Variants in CCDC148 observed in about 807,000 individuals in gnomAD.
The protein encoded by CCDC148 is coiled-coil domain containing 148.
CCDC148 carries 89 observed loss-of-function variants against 85.7 expected under a neutral mutation model. The observed-to-expected ratio is 1.04, with a 90% CI of 0.87 to 1.24. The LOEUF (loss-of-function observed/expected upper bound fraction) is 1.24, where lower values mean the gene tolerates loss of function less well. Among genes scored for constraint, CCDC148 ranks in the 50% most tolerant of loss-of-function variants. The pLI is 0.00. For synonymous variants in CCDC148, 230 were observed against 213.9 expected, an observed-to-expected ratio of 1.08 and a Z score of -0.66; for missense variants, 692 against 671.7, an observed-to-expected ratio of 1.03 and a Z score of -0.33.
intron 1 of CCDC148, among the ~76,000 whole-genome samples, chr2:158,378,942 C>T (rs1684763057): frequency 6.6e-6 from 1 of 152,132 alleles, no homozygotes; most frequent in Non-Finnish European, 1.5e-5. Flanking sequence ...TGCCTGCTAA[C>T]ATAACATTTA....
intron 2 of CCDC148, among the ~76,000 whole-genome samples, chr2:158,357,763 A>G (rs965265017): frequency 1.3e-5 from 2 of 152,234 alleles, no homozygotes; most frequent in Non-Finnish European, 2.9e-5. Context: ...AGATATTAAC[A>G]ATAAAAGGCA....
In CCDC148 at chr2:158,379,989, T is replaced by C. The variant is rs185584020; in HGVS notation, c.26-21419A>G. On this transcript the variant is annotated intron_variant, in intron 1 of 13. Transcript: ENST00000283233. ...TTGTGTTTGAGATGGGGTCTCACCA[T>C]GTTGCCCAGGCTGGTCTTGAACTCC... 7.2e-5 allele frequency among the ~76,000 whole-genome samples: 11 copies of C among 152,206 alleles called. No individual in the cohort carries two copies. In the East Asian group the frequency reaches 1.9e-3, roughly 27 times the overall value.
chr2:158,262,317 G>A (rs370499082), intron 9 of CCDC148, among the ~76,000 whole-genome samples: 16 of 151,884 alleles, frequency 1.1e-4, no homozygotes, highest in East Asian at 3.9e-4. Context: ...ATGAGAACTC[G>A]TGAACACAAA....
chr2:158,415,027 C>G (rs190959641), intron 1 of CCDC148, among the ~76,000 whole-genome samples: 1 of 151,868 alleles, frequency 6.6e-6, no homozygotes, highest in Non-Finnish European at 1.5e-5. Flanking sequence ...GTATTACTTA[C>G]CAAACTCAAG....
At chr2:158,200,213 A>G (rs1277705830) in intron 11 of CCDC148, among the ~76,000 whole-genome samples, 13 of 152,210 alleles carry the variant, frequency 8.5e-5, no homozygotes, top group Admixed American at 7.9e-4. Context: ...TTCAGTCTGA[A>G]CAGACCCATT....
At chr2:158,217,769 G>T (rs958437728) in intron 11 of CCDC148, among the ~76,000 whole-genome samples, 7 of 152,154 alleles carry the variant, frequency 4.6e-5, no homozygotes, top group Non-Finnish European at 1.5e-5. Context: ...AATGACGGAA[G>T]TTTTCAAACC....
At chr2:158,199,226 C>CT in intron 11 of CCDC148, among the ~76,000 whole-genome samples, 1 of 152,002 alleles carries the variant, frequency 6.6e-6, no homozygotes, top group Non-Finnish European at 1.5e-5. Flanking sequence ...TTTGATATTG[C>CT]TTTTTTAAAT....
Position 158,196,521 on chromosome 2 carries a change from C to G in CCDC148, c.1371-17525G>C, listed in dbSNP as rs537789224. 2.0e-5 allele frequency among the ~76,000 whole-genome samples: 3 copies of G among 152,212 alleles called. No individual in the cohort carries two copies. In the South Asian group the frequency reaches 6.2e-4, roughly 32 times the overall value. ...CCATTTAGTATTAAGATGGAAAGTGCAAAAGTACACCATGGTTATGGGTCA... is the reference window on the plus strand; with the variant it reads ...CCATTTAGTATTAAGATGGAAAGTGGAAAAGTACACCATGGTTATGGGTCA... On this transcript the variant is annotated intron_variant, in intron 11 of 13. Transcript: ENST00000283233.
chr2:158,306,830 TAA>T lies in CCDC148; in HGVS notation c.1110+2601_1110+2602del, dbSNP rs57694988. ...TACCCTAGAACTTAGAGTATAATAA[TAA>T]AAAAAAAAAACACTAAAAAAAAAAA... is the stretch of plus-strand genomic sequence containing the variant. On this transcript the variant is annotated intron_variant, in intron 9 of 13. Transcript: ENST00000283233. Among the ~76,000 whole-genome samples, 511 of 135,624 alleles carry T rather than the reference TAA, an allele frequency of 3.8e-3. 5 individuals carry two copies. Among genetic ancestry groups the T allele is most frequent in the African/African-American group, 0.012 (463 of 37,380 alleles). The allele number at this position is 135,624 out of a possible 152,430, so 89.0% of individuals were successfully genotyped here. A position where few individuals can be genotyped will look rare whatever the true frequency, so the allele number is the denominator to read the frequency against.
At chr2:158,368,156 C>T (rs1684281401) in intron 1 of CCDC148, among the ~76,000 whole-genome samples, 2 of 152,118 alleles carry the variant, frequency 1.3e-5, no homozygotes, top group South Asian at 4.1e-4. Flanking sequence ...GAAGTTTACA[C>T]TATGAATGTG....
chr2:158,455,272 C>G (rs1688581928), intron 1 of CCDC148, among the ~76,000 whole-genome samples: 1 of 152,150 alleles, frequency 6.6e-6, no homozygotes, highest in African/African-American at 2.4e-5. Context: ...CCTGCTGATC[C>G]CTTCTCAATT....
intron 9 of CCDC148, among the ~76,000 whole-genome samples, chr2:158,286,686 T>C (rs1171939796): frequency 1.3e-5 from 2 of 152,054 alleles, no homozygotes; most frequent in African/African-American, 4.8e-5. Context: ...CAGAAGTAGA[T>C]TTAGAGACAC....
At chr2:158,363,513 C>T (rs1684061589) in intron 1 of CCDC148, among the ~76,000 whole-genome samples, 2 of 152,072 alleles carry the variant, frequency 1.3e-5, no homozygotes, top group Admixed American at 1.3e-4. Flanking sequence ...GTTCAACATA[C>T]ACTAATCAAT....
Position 158,206,700 on chromosome 2 carries a change from G to A in CCDC148, c.1370+13895C>T, listed in dbSNP as rs117954576. On this transcript the variant is annotated intron_variant, in intron 11 of 13. Coordinates refer to ENST00000283233, the MANE Select transcript of CCDC148 (RefSeq NM_138803.4). Reference sequence around the variant, plus strand: ...GCAGTAGCTAATGGTTTGGCCAGTAGATTAGGGACACTGAAGGAATAAGAT... The same window carrying A: ...GCAGTAGCTAATGGTTTGGCCAGTAAATTAGGGACACTGAAGGAATAAGAT... 5.1e-3 allele frequency among the ~76,000 whole-genome samples: 773 copies of A among 152,310 alleles called. 16 individuals carry two copies. In the East Asian group the frequency reaches 0.079, roughly 16 times the overall value.
intron 11 of CCDC148, among the ~76,000 whole-genome samples, chr2:158,203,997 G>A (rs554230509): frequency 6.6e-6 from 1 of 152,228 alleles, no homozygotes; most frequent in South Asian, 2.1e-4. Context: ...AGTTTAAACA[G>A]AACTAAAACA....
intron 9 of CCDC148, among the ~76,000 whole-genome samples, chr2:158,269,254 C>T (rs1173203159): frequency 6.6e-6 from 1 of 152,096 alleles, no homozygotes; most frequent in Non-Finnish European, 1.5e-5. Flanking sequence ...GTCATGCCAT[C>T]CTTTCAGGTG....
intron 2 of CCDC148, among the ~76,000 whole-genome samples, chr2:158,346,666 G>A (rs951053594): frequency 9.2e-5 from 14 of 152,052 alleles, no homozygotes; most frequent in Non-Finnish European, 5.9e-5. Flanking sequence ...AACTACAAAC[G>A]TGTACATCAG....
chr2:158,305,437 A>C (rs1225052715), intron 9 of CCDC148, among the ~76,000 whole-genome samples: 1 of 152,122 alleles, frequency 6.6e-6, no homozygotes, highest in Admixed American at 6.5e-5. Flanking sequence ...GTAACAATCT[A>C]GTGCAGGGGA....
intron 1 of CCDC148, among the ~76,000 whole-genome samples, chr2:158,443,515 A>AAAAGAAAAG (rs748433493): frequency 1.1e-4 from 11 of 100,898 alleles, no homozygotes; most frequent in Non-Finnish European, 2.2e-4. Flanking sequence ...AAAAAAAAAA[A>AAAAGAAAAG]AAAAAAAAGA....
Sources: allele counts gnomAD v4.1 joint callset (sites outside exome capture counted in the v4.1 genomes callset), GRCh38; gene constraint gnomAD v4.1.1; transcripts MANE v1.5; gene names NCBI Gene and HGNC (gene_info 2026-07-23, HGNC 2026-07-21).